Variants in BRCA2 observed in about 807,000 individuals in gnomAD.
The protein encoded by BRCA2 is BRCA2 DNA repair associated, also known as breast cancer type 2 susceptibility protein.
BRCA2 carries 203 observed loss-of-function variants against 276.7 expected under a neutral mutation model. That is an observed-to-expected ratio of 0.73 (90% CI 0.65 to 0.82). The LOEUF (loss-of-function observed/expected upper bound fraction) is 0.82, where lower values mean the gene tolerates loss of function less well. Among genes scored for constraint, BRCA2 ranks in the 40% least tolerant of loss-of-function variants. The pLI is 0.00. For synonymous variants in BRCA2, 1,289 were observed against 1,338.4 expected (o/e 0.96, Z 0.81); for missense variants, 3,920 against 3,915.0 (o/e 1.00, Z -0.03).
chr13:32,356,377 G>A (rs2137561424), intron 14 of BRCA2, 51 bp from the exon 15 acceptor site: 1 of 1,578,824 alleles, frequency 6.3e-7, no homozygotes, highest in Non-Finnish European at 8.7e-7. Flanking sequence ...GCCAGGGGTT[G>A]TGCTTTTTAA....
Position 32,339,758 on chromosome 13 carries a change from A to G in BRCA2, c.5403A>G (p.Pro1801=), listed in dbSNP as rs1060504628. The G allele has an allele frequency of 6.2e-7, 1 of 1,613,982 alleles. No homozygotes were observed. Among genetic ancestry groups the G allele is most frequent in the Non-Finnish European group, 8.5e-7 (1 of 1,179,906 alleles). The change falls in exon 11 of 27, where the codon CCA becomes CCG. Residue 1801 remains proline, a synonymous_variant. Coordinates refer to ENST00000380152, the MANE Select transcript of BRCA2 (RefSeq NM_000059.4). Reference sequence around the variant, plus strand: ...ATGTAAAAGATGCAAATGCATACCCACAAACTGTAAATGAAGATATTTGCG... The same window carrying G: ...ATGTAAAAGATGCAAATGCATACCCGCAAACTGTAAATGAAGATATTTGCG... The part of the protein sequence containing the change: ...ISNVKDANAY[P]QTVNEDICVE...
chr13:32,358,423 C>CCAAG (rs1443439524), intron 16 of BRCA2, among the ~76,000 whole-genome samples: 1 of 150,912 alleles, frequency 6.6e-6, no homozygotes, highest in African/African-American at 2.4e-5. Flanking sequence ...TTGCAGTGAG[C>CCAAG]CAAGATTGAG....
chr13:32,381,568 C>T (rs1168056027), intron 24 of BRCA2, among the ~76,000 whole-genome samples: 1 of 151,962 alleles, frequency 6.6e-6, no homozygotes, highest in African/African-American at 2.4e-5. Flanking sequence ...CCTAGTGTGC[C>T]GTGAAGCATT....
intron 11 of BRCA2, among the ~76,000 whole-genome samples, chr13:32,344,279 T>G (rs1054164188): frequency 4.6e-5 from 7 of 152,134 alleles, no homozygotes; most frequent in African/African-American, 1.7e-4. Context: ...GTAGCTTATC[T>G]GTGGTATCTG....
At chr13:32,320,461 C>T (rs2072299182) in intron 3 of BRCA2, among the ~76,000 whole-genome samples, 1 of 152,182 alleles carries the variant, frequency 6.6e-6, no homozygotes, top group South Asian at 2.1e-4. Context: ...AACCACAATG[C>T]TCTCTGGCTC....
Position 32,336,282 on chromosome 13 carries a change from G to T in BRCA2, c.1927G>T (p.Val643Leu), listed in dbSNP as rs748394046. The change falls in exon 11 of 27, where the codon GTG becomes TTG. Residue 643 changes from valine to leucine, a missense_variant. By Grantham distance (32) the Val-to-Leu change is conservative. This residue lies in a region of BRCA2 where 3,263 missense variants were observed against 3,156.9 expected (regional missense o/e 1.03). Transcript: ENST00000380152. ...NADSGLLHSS[V>L]KRSCSQNDSE... ...ATGTTTAGGTTTATTGCATTCTTCT[G>T]TGAAAAGAAGCTGTTCACAGAATGA... The T allele has an allele frequency of 6.2e-7, 1 of 1,603,144 alleles. No individual in the cohort carries two copies. Among genetic ancestry groups the T allele is most frequent in the South Asian group, 1.1e-5 (1 of 88,884 alleles).
At chr13:32,327,696 T>C (rs1425244396) in intron 7 of BRCA2, among the ~76,000 whole-genome samples, 2 of 150,948 alleles carry the variant, frequency 1.3e-5, no homozygotes, top group East Asian at 1.9e-4. Flanking sequence ...AATCCTGTTA[T>C]AAAACTACTT....
In BRCA2 at chr13:32,329,687, T is replaced by G. The variant is rs11571625; in HGVS notation, c.681+195T>G. 3.8e-3 allele frequency among the ~76,000 whole-genome samples: 585 copies of G among 152,242 alleles called. 5 individuals are homozygous for G. Among genetic ancestry groups the G allele is most frequent in the African/African-American group, 0.013 (552 of 41,550 alleles). On this transcript the variant is annotated intron_variant, in intron 8 of 26. Coordinates refer to ENST00000380152, the MANE Select transcript of BRCA2 (RefSeq NM_000059.4). The stretch of plus-strand genomic sequence containing the variant: ...GCTGTCTCTCTGTTAAAGTTGCATA[T>G]ATACAATATATACCGTAGTCCCCTA...
chr13:32,324,217 A>C (rs936859019), intron 3 of BRCA2, among the ~76,000 whole-genome samples: 1 of 152,170 alleles, frequency 6.6e-6, no homozygotes, highest in Non-Finnish European at 1.5e-5. Flanking sequence ...GCAAACACTT[A>C]ATCTTACCTT....
In BRCA2 at chr13:32,354,925, T is replaced by C. The variant is rs80358937; in HGVS notation, c.7072T>C (p.Ser2358Pro). The C allele has an allele frequency of 8.1e-6, 13 of 1,613,612 alleles. No individual in the cohort carries two copies. The South Asian group carries it at 1.2e-4, about 15-fold the overall frequency. Residue 2358 changes from serine to proline, a missense_variant, in exon 14 of 27, where the codon TCT becomes CCT. Around this residue, in one of 2 missense-constraint regions of BRCA2, gnomAD observed 3,263 missense variants for 3,156.9 expected, o/e 1.03. Transcript: ENST00000380152. ...NFTAPGQEFLSKSHLYEHLTL... is the reference protein window; with the variant it reads ...NFTAPGQEFLPKSHLYEHLTL... ...TACCGCACCTGGTCAAGAATTTCTG[T>C]CTAAATCTCATTTGTATGAACATCT... is the stretch of plus-strand genomic sequence containing the variant.
chr13:32,387,374 G>A lies in BRCA2; in HGVS notation c.9256+7229G>A, dbSNP rs1339075210. On this transcript the variant is annotated intron_variant, in intron 24 of 26. Transcript: ENST00000380152. ...GGAATAACTGGCGGGTATAGGGTGA[G>A]GTGCTGAAGGGACATTGTGAGAAGT... Among the ~76,000 whole-genome samples the A allele has an allele frequency of 7.2e-5, 11 of 152,164 alleles. No homozygotes were observed. The East Asian group carries it at 1.9e-3, about 27-fold the overall frequency.
chr13:32,326,314 T>G, intron 6 of BRCA2, 32 bp downstream of exon 6: 1 of 1,597,066 alleles, frequency 6.3e-7, no homozygotes, highest in Non-Finnish European at 8.6e-7. Context: ...TTTTTATGAC[T>G]TAGTAATTGA....
chr13:32,319,905 G>A (rs1348531115), intron 3 of BRCA2, among the ~76,000 whole-genome samples: 1 of 152,136 alleles, frequency 6.6e-6, no homozygotes, highest in Non-Finnish European at 1.5e-5. Flanking sequence ...TGTAGTATGT[G>A]CTAAGAGAAA....
chr13:32,354,318 T>C (rs2072672082), intron 13 of BRCA2, among the ~76,000 whole-genome samples: 1 of 152,154 alleles, frequency 6.6e-6, no homozygotes, highest in South Asian at 2.1e-4. Context: ...GAAGGTTGAC[T>C]GTGGAGTGTA....
chr13:32,339,286 A>C lies in BRCA2; in HGVS notation c.4931A>C (p.Glu1644Ala). ...FLKVKVHENV[E>A]KETAKSPATC... ...AAAGTTAAAGTACATGAAAATGTAG[A>C]AAAAGAAACAGCAAAAAGTCCTGCA... Residue 1644 changes from glutamate to alanine, a missense_variant, in exon 11 of 27, where the codon GAA becomes GCA. Transcript: ENST00000380152. 6.2e-7 allele frequency: 1 copy of C among 1,606,826 alleles called. No homozygotes were observed. Among genetic ancestry groups the C allele is most frequent in the South Asian group, 1.1e-5 (1 of 89,120 alleles).
At chr13:32,384,732 G>T in intron 24 of BRCA2, 1 of 247,398 alleles carries the variant, frequency 4.0e-6, no homozygotes, top group South Asian at 7.5e-5. Context: ...TACATGGGAG[G>T]TATCAATTAA....
At position 32,398,861 on chromosome 13, in the gene BRCA2, T is replaced by C. The variant is rs1459228734; in HGVS notation, c.*91T>C. The C allele has an allele frequency of 5.5e-6, 8 of 1,461,560 alleles. No individual in the cohort carries two copies. The highest frequency in any genetic ancestry group is 4.5e-5 in the Admixed American group (2 of 44,400). The allele number at this position is 1,461,560 out of a possible 1,614,324, so 90.5% of individuals were successfully genotyped here. A position where few individuals can be genotyped will look rare whatever the true frequency, so the allele number is the denominator to read the frequency against. The stretch of plus-strand genomic sequence containing the variant: ...ATTTCAAACCACACATTAGTACTTA[T>C]GTTGCACAATGAGAAAAGAAATTAG... On this transcript the variant is annotated 3_prime_UTR_variant, in exon 27 of 27. Transcript: ENST00000380152.
At chr13:32,377,274 C>T (rs1352125118) in intron 21 of BRCA2, among the ~76,000 whole-genome samples, 2 of 152,140 alleles carry the variant, frequency 1.3e-5, no homozygotes, top group Non-Finnish European at 2.9e-5. Flanking sequence ...GTGGCACTCT[C>T]ATTTTATTAG....
chr13:32,316,526 A>T lies in BRCA2; in HGVS notation c.66A>T (p.Ala22=), dbSNP rs1555280115. Residue 22 remains alanine (A), a splice_region_variant and synonymous_variant, in exon 2 of 27, where the codon GCA becomes GCT. Coordinates refer to ENST00000380152, the MANE Select transcript of BRCA2 (RefSeq NM_000059.4). ...TTTTTAAGACACGCTGCAACAAAGC[A>T]GGTATTGACAAATTTTATATAACTT... ...FEIFKTRCNK[A]DLGPISLNWF... 6.2e-7 allele frequency: 1 copy of T among 1,613,208 alleles called. No individual in the cohort carries two copies. Among genetic ancestry groups the T allele is most frequent in the Non-Finnish European group, 8.5e-7 (1 of 1,179,196 alleles).
Sources: gnomAD v4.1 joint callset for allele counts (sites outside exome capture counted in the v4.1 genomes callset) on GRCh38, gnomAD v4.1.1 for gene constraint, gnomAD v4.1.1 regional missense constraint, MANE v1.5 for transcripts, NCBI Gene and HGNC (gene_info 2026-07-23, HGNC 2026-07-21) for gene names.